The following CDH13 variants were observed in gnomAD, a reference collection of about 807,000 sequenced individuals.
The protein encoded by CDH13 is cadherin 13.
CDH13 carries 24 observed loss-of-function variants against 63.8 expected under a neutral mutation model. The observed-to-expected ratio is 0.38, with a 90% CI of 0.27 to 0.53. CDH13 has a LOEUF of 0.53. CDH13 is among the 20% of genes least tolerant of loss of function. CDH13 has a pLI of 0.85. For synonymous variants in CDH13, 503 were observed against 355.3 expected (o/e 1.42, Z -4.67); for missense variants, 1,049 against 903.1 (o/e 1.16, Z -2.07).
chr16:83,044,587 C>G (rs1597211746), intron 3 of CDH13, among the ~76,000 whole-genome samples: 1 of 152,194 alleles, frequency 6.6e-6, no homozygotes, highest in African/African-American at 2.4e-5. Context: ...GTCCCATAGG[C>G]TAGAGAAAAC....
chr16:83,116,342 G>A (rs1019824967), intron 3 of CDH13, among the ~76,000 whole-genome samples: 1 of 152,182 alleles, frequency 6.6e-6, no homozygotes, highest in African/African-American at 2.4e-5. Flanking sequence ...GGAGGCTGAT[G>A]GAGGAGTTGC....
rs1011435080 is a variant in CDH13 at position 83,084,030 on chromosome 16, C to G, written c.367-41355C>G. ...TGCTGTGGACCTATCATAATTTTTACTACACTTTGTGGCCACATGAACTGG... is the reference window on the plus strand; with the variant it reads ...TGCTGTGGACCTATCATAATTTTTAGTACACTTTGTGGCCACATGAACTGG... On this transcript the variant is annotated intron_variant, in intron 3 of 13. Transcript: ENST00000567109. Among the ~76,000 whole-genome samples the G allele has an allele frequency of 3.3e-5, 5 of 152,200 alleles. 1 individual carries two copies. The highest frequency in any genetic ancestry group is 7.3e-5 in the Non-Finnish European group (5 of 68,038).
At chr16:82,786,377 G>T (rs956232801) in intron 1 of CDH13, among the ~76,000 whole-genome samples, 1 of 150,682 alleles carries the variant, frequency 6.6e-6, no homozygotes, top group Non-Finnish European at 1.5e-5. Context: ...ACTTCCAAAA[G>T]TGTCTATGCC....
intron 13 of CDH13, chr16:83,790,046 T>G (rs951473703): frequency 5.3e-5 from 8 of 151,950 alleles, no homozygotes; most frequent in African/African-American, 1.9e-4. Flanking sequence ...CAGATCCAAG[T>G]AGACTGGCAG....
chr16:83,425,907 A>G (rs1273348283), intron 6 of CDH13, among the ~76,000 whole-genome samples: 8 of 152,170 alleles, frequency 5.3e-5, no homozygotes, highest in African/African-American at 1.7e-4. Flanking sequence ...CAGATACAGC[A>G]TTGAACCACC....
At chr16:83,501,360 T>G (rs958592310) in intron 7 of CDH13, among the ~76,000 whole-genome samples, 5 of 152,236 alleles carry the variant, frequency 3.3e-5, no homozygotes. Flanking sequence ...TAAATTGTTG[T>G]GTGGGCTGAT....
intron 4 of CDH13, among the ~76,000 whole-genome samples, chr16:83,142,819 G>A (rs1280492275): frequency 6.6e-6 from 1 of 152,122 alleles, no homozygotes; most frequent in Admixed American, 6.6e-5. Context: ...AAAGAGTAAA[G>A]GGGCCGGGCG....
chr16:83,018,401 T>C (rs1915018980), intron 2 of CDH13, among the ~76,000 whole-genome samples: 1 of 152,206 alleles, frequency 6.6e-6, no homozygotes. Flanking sequence ...ATGTTTTTAA[T>C]GGGTTAATGG....
chr16:82,718,594 G>C (rs1032424780), intron 1 of CDH13, among the ~76,000 whole-genome samples: 1 of 152,172 alleles, frequency 6.6e-6, no homozygotes, highest in African/African-American at 2.4e-5. Context: ...ATCTAAGACT[G>C]GGCAATTTAC....
At chr16:82,668,836 G>A (rs148961000) in intron 1 of CDH13, among the ~76,000 whole-genome samples, 4 of 152,242 alleles carry the variant, frequency 2.6e-5, no homozygotes, top group Non-Finnish European at 5.9e-5. Flanking sequence ...GAGAGGGGCT[G>A]TGAGCCCCTG....
At chr16:83,188,810 G>A (rs572852074) in intron 4 of CDH13, among the ~76,000 whole-genome samples, 1 of 152,240 alleles carries the variant, frequency 6.6e-6, no homozygotes, top group African/African-American at 2.4e-5. Context: ...CAATTATTAC[G>A]GTTTACTGTA....
intron 4 of CDH13, among the ~76,000 whole-genome samples, chr16:83,139,492 G>T (rs75759688): frequency 6.6e-6 from 1 of 152,080 alleles, no homozygotes. Flanking sequence ...CAATTCACAG[G>T]CTCTGTGTTG....
At chr16:82,643,426 G>A (rs1182194205) in intron 1 of CDH13, among the ~76,000 whole-genome samples, 1 of 152,212 alleles carries the variant, frequency 6.6e-6, no homozygotes, top group Non-Finnish European at 1.5e-5. Flanking sequence ...AGCGGAAGCA[G>A]AACGATGTTG....
At chr16:83,274,059 A>G (rs2088907884) in intron 5 of CDH13, among the ~76,000 whole-genome samples, 1 of 152,116 alleles carries the variant, frequency 6.6e-6, no homozygotes, top group African/African-American at 2.4e-5. Context: ...CTGCACTATG[A>G]CAACAGCCTC....
intron 7 of CDH13, among the ~76,000 whole-genome samples, chr16:83,513,911 A>C (rs1356156195): frequency 1.3e-5 from 2 of 152,296 alleles, no homozygotes; most frequent in South Asian, 2.1e-4. Flanking sequence ...AAAATTATAG[A>C]GAATGAAGGA....
intron 7 of CDH13, among the ~76,000 whole-genome samples, chr16:83,578,467 C>T (rs552061654): frequency 2.0e-5 from 3 of 152,252 alleles, no homozygotes; most frequent in African/African-American, 7.2e-5. Context: ...AAGAGAGACG[C>T]ACAAATGTCA....
chr16:83,570,293 C>A (rs956649642), intron 7 of CDH13, among the ~76,000 whole-genome samples: 2 of 152,122 alleles, frequency 1.3e-5, no homozygotes, highest in African/African-American at 4.8e-5. Context: ...AGCAAAAGAG[C>A]CATATGGGGT....
chr16:83,643,818 A>C (rs534200720), intron 8 of CDH13, among the ~76,000 whole-genome samples: 1 of 152,186 alleles, frequency 6.6e-6, no homozygotes, highest in Non-Finnish European at 1.5e-5. Flanking sequence ...AATGTCAAAC[A>C]TGTCAACAGC....
Position 82,775,675 on chromosome 16 carries a change from C to T in CDH13, c.46-82687C>T, listed in dbSNP as rs117484519. ...TAAGTGGTAGAGCAAAAAGTGAAAC[C>T]CAGGCATTTTGTCTTCTCAATTAAT... On this transcript the variant is annotated intron_variant, in intron 1 of 13. Coordinates refer to ENST00000567109, the MANE Select transcript of CDH13 (RefSeq NM_001257.5). Among the ~76,000 whole-genome samples the T allele has an allele frequency of 1.5e-3, 222 of 152,230 alleles. 6 individuals carry two copies. The highest frequency in any genetic ancestry group is 0.01 in the Admixed American group (156 of 15,290).
Sources: allele counts gnomAD v4.1 joint callset (sites outside exome capture counted in the v4.1 genomes callset), GRCh38; gene constraint gnomAD v4.1.1; transcripts MANE v1.5; gene names NCBI Gene and HGNC (gene_info 2026-07-23, HGNC 2026-07-21).